The following ANKS1B variants were observed in gnomAD, a reference collection of about 807,000 sequenced individuals.
ANKS1B encodes ankyrin repeat and sterile alpha motif domain-containing protein 1B.
In ANKS1B, 36 loss-of-function variants were observed where a neutral mutation model predicts 148.3. The ratio of observed to expected loss-of-function variants is 0.24; its 90% CI spans 0.19 to 0.32. The LOEUF is 0.32. ANKS1B is among the 10% of genes least tolerant of loss of function. ANKS1B has a pLI of 1.00. For synonymous variants in ANKS1B, 542 were observed against 560.8 expected, an observed-to-expected ratio of 0.97 and a Z score of 0.47; for missense variants, 1,157 against 1,542.6, an observed-to-expected ratio of 0.75 and a Z score of 4.19.
chr12:99,436,830 A>G (rs937872171), intron 11 of ANKS1B, among the ~76,000 whole-genome samples: 1 of 151,904 alleles, frequency 6.6e-6, no homozygotes, highest in Non-Finnish European at 1.5e-5. Context: ...CTTTCCTCCA[A>G]TCATCTCCTT....
At chr12:99,273,997 G>A (rs1002069028) in intron 12 of ANKS1B, among the ~76,000 whole-genome samples, 1 of 152,180 alleles carries the variant, frequency 6.6e-6, no homozygotes, top group African/African-American at 2.4e-5. Context: ...GGACATTGCT[G>A]CTCTGCAATG....
chr12:99,554,285 T>C (rs752432803), intron 9 of ANKS1B, among the ~76,000 whole-genome samples: 10 of 152,128 alleles, frequency 6.6e-5, no homozygotes, highest in Non-Finnish European at 1.5e-4. Context: ...TCTGAGCCAG[T>C]GCAGAAGAGT....
intron 17 of ANKS1B, among the ~76,000 whole-genome samples, chr12:98,848,763 G>A (rs1229648289): frequency 3.3e-4 from 1 of 3,076 alleles, no homozygotes; most frequent in Non-Finnish European, 5.5e-4. Context: ...TTTTGAGACG[G>A]AGTCTCGCTC....
At chr12:99,411,240 T>C (rs546296809) in intron 11 of ANKS1B, among the ~76,000 whole-genome samples, 18 of 152,316 alleles carry the variant, frequency 1.2e-4, no homozygotes, top group African/African-American at 4.3e-4. Flanking sequence ...TGTCTACTGT[T>C]CCCATCTTTA....
intron 9 of ANKS1B, among the ~76,000 whole-genome samples, chr12:99,635,597 TA>T (rs1195124796): frequency 2.0e-5 from 3 of 151,972 alleles, no homozygotes; most frequent in Non-Finnish European, 2.9e-5. Context: ...CATTGACAGA[TA>T]GGGGGAGGAA....
chr12:99,175,500 T>C lies in ANKS1B; in HGVS notation c.2420-21105A>G, dbSNP rs551674743. On this transcript the variant is annotated intron_variant, in intron 14 of 26. Coordinates refer to ENST00000683438, the MANE Select transcript of ANKS1B (RefSeq NM_001352186.2). The stretch of plus-strand genomic sequence containing the variant: ...AAATAAGTTTGTATATCTTGAGCCA[T>C]CAGAAAGCAAAGGTGTCACTATCTC... Among the ~76,000 whole-genome samples the C allele has an allele frequency of 8.5e-5, 13 of 152,358 alleles. No individual in the cohort carries two copies. The East Asian group carries it at 2.5e-3, about 29-fold the overall frequency.
chr12:99,978,265 C>G (rs1034963793), intron 1 of ANKS1B, among the ~76,000 whole-genome samples: 2 of 152,232 alleles, frequency 1.3e-5, no homozygotes, highest in Non-Finnish European at 2.9e-5. Context: ...AGAAACTGTG[C>G]AATGGATGGA....
At chr12:99,315,285 C>A (rs1474623804) in intron 12 of ANKS1B, among the ~76,000 whole-genome samples, 1 of 148,686 alleles carries the variant, frequency 6.7e-6, no homozygotes, top group Admixed American at 6.7e-5. Flanking sequence ...AGGCAACTTA[C>A]AAAACGGAAA....
chr12:98,781,230 G>C, intron 23 of ANKS1B, 27 bp from the exon 24 acceptor site: 1 of 1,479,860 alleles, frequency 6.8e-7, no homozygotes, highest in Non-Finnish European at 9.3e-7. Flanking sequence ...AAAGCTGTTA[G>C]AGCAGTTTGT....
chr12:98,775,657 T>C (rs1214240821), intron 24 of ANKS1B, among the ~76,000 whole-genome samples: 1 of 151,912 alleles, frequency 6.6e-6, no homozygotes, highest in African/African-American at 2.4e-5. Flanking sequence ...TTGCCATGTT[T>C]CCCAGGTTGG....
At chr12:99,480,057 TA>T (rs1567183371) in intron 10 of ANKS1B, among the ~76,000 whole-genome samples, 1 of 151,674 alleles carries the variant, frequency 6.6e-6, no homozygotes, top group South Asian at 2.1e-4. Flanking sequence ...ATGAAAAATT[TA>T]AAAAAATACA....
intron 12 of ANKS1B, among the ~76,000 whole-genome samples, chr12:99,362,484 T>C (rs566018471): frequency 2.2e-4 from 34 of 152,122 alleles, no homozygotes; most frequent in African/African-American, 7.9e-4. Flanking sequence ...AAATTCTTCA[T>C]GTTAAAGTGT....
chr12:99,421,074 A>G lies in ANKS1B; in HGVS notation c.1576-21263T>C, dbSNP rs189430628. The stretch of plus-strand genomic sequence containing the variant: ...ACAGAATTATTGTCTGGATTAATTG[A>G]GATAATGTAAATGAAAGACTAGAAT... On this transcript the variant is annotated intron_variant, in intron 11 of 26. Coordinates refer to ENST00000683438, the MANE Select transcript of ANKS1B (RefSeq NM_001352186.2). 7.2e-4 allele frequency among the ~76,000 whole-genome samples: 109 copies of G among 152,310 alleles called. 1 individual carries two copies. The highest frequency in any genetic ancestry group is 1.2e-3 in the South Asian group (6 of 4,826).
intron 19 of ANKS1B, among the ~76,000 whole-genome samples, chr12:98,820,425 T>TA (rs1256936894): frequency 6.6e-6 from 1 of 152,208 alleles, no homozygotes; most frequent in Non-Finnish European, 1.5e-5. Context: ...TGTATTTCCC[T>TA]AAAAAACTGG....
chr12:99,452,908 C>T (rs2095771471), intron 10 of ANKS1B, among the ~76,000 whole-genome samples: 1 of 152,154 alleles, frequency 6.6e-6, no homozygotes, highest in African/African-American at 2.4e-5. Context: ...CTAGGATGGT[C>T]CCAATTGAGC....
chr12:99,373,552 C>A (rs997949818), intron 12 of ANKS1B, among the ~76,000 whole-genome samples: 1 of 152,066 alleles, frequency 6.6e-6, no homozygotes, highest in South Asian at 2.1e-4. Flanking sequence ...TTTAACTGAA[C>A]AACACAAAGG....
intron 8 of ANKS1B, among the ~76,000 whole-genome samples, chr12:99,685,728 A>ATGTG (rs898434491): frequency 6.6e-6 from 1 of 150,558 alleles, no homozygotes; most frequent in East Asian, 2.0e-4. Context: ...GGGTGTGTTT[A>ATGTG]TGTGTGTGTG....
intron 14 of ANKS1B, among the ~76,000 whole-genome samples, chr12:99,228,544 A>G (rs2086322129): frequency 6.6e-6 from 1 of 152,086 alleles, no homozygotes. Context: ...AAGGAGTAAG[A>G]AAAAAGGAAG....
At chr12:99,892,857 TGAA>T (rs1441494103) in intron 1 of ANKS1B, among the ~76,000 whole-genome samples, 1 of 152,052 alleles carries the variant, frequency 6.6e-6, no homozygotes, top group Non-Finnish European at 1.5e-5. Context: ...GTCTACAGAT[TGAA>T]TATAGAGACT....
Sources: gnomAD v4.1 joint callset for allele counts (sites outside exome capture counted in the v4.1 genomes callset) on GRCh38, gnomAD v4.1.1 for gene constraint, MANE v1.5 for transcripts, NCBI Gene and HGNC (gene_info 2026-07-23, HGNC 2026-07-21) for gene names.